RDM1: variants seen among roughly 807,000 people sequenced by gnomAD.
The protein encoded by RDM1 is RAD52 motif containing 1, also known as RAD52 motif-containing protein 1.
RDM1 carries 28 observed loss-of-function variants against 27.7 expected under a neutral mutation model. That is an observed-to-expected ratio of 1.01 (90% confidence interval 0.75 to 1.39). The LOEUF is 1.39. Ranked by LOEUF, RDM1 falls within the 40% of genes most tolerant of loss-of-function variation. The pLI is 0.00. For synonymous variants in RDM1, 124 were observed against 127.5 expected, an observed-to-expected ratio of 0.97 and a Z score of 0.19; for missense variants, 277 against 337.3, an observed-to-expected ratio of 0.82 and a Z score of 1.40.
At chr17:35,918,722 T>A (rs55821256) in intron 6 of RDM1, among the ~76,000 whole-genome samples, 9,237 of 152,172 alleles carry the variant, frequency 0.061, 463 homozygotes, top group African/African-American at 0.14. Flanking sequence ...GCGCCACTCT[T>A]CAGAGGTCTA....
At position 35,920,436 on chromosome 17, in the gene RDM1, TTTTC is replaced by T. The variant is rs200850006; in HGVS notation, c.668-168_668-165del. Reference sequence around the variant, plus strand: ...TATCTCCTCATCTCACACTTCAGTTTTTTCTTTCTTTCTTTCTTTCTTTTTTTTT... The same window carrying T: ...TATCTCCTCATCTCACACTTCAGTTTTTTCTTTCTTTCTTTCTTTTTTTTT... On this transcript the variant is annotated intron_variant, in intron 5 of 6. Coordinates refer to ENST00000620284, the MANE Select transcript of RDM1 (RefSeq NM_145654.4). Among the ~76,000 whole-genome samples, 499 of 149,058 alleles carry T rather than the reference TTTTC, an allele frequency of 3.3e-3. 4 individuals are homozygous for T. Among genetic ancestry groups the T allele is most frequent in the East Asian group, 0.028 (141 of 5,098 alleles).
rs374308964 is a variant in RDM1, at chr17:35,930,719, C to T, written c.9G>A (p.Glu3=). MA[E]LVPFAVPIES... Reference sequence around the variant, plus strand: ...CGATGGGAACCGCAAAAGGTACCAACTCCGCCATCCTCCCTTCACCGCACC... The same window carrying T: ...CGATGGGAACCGCAAAAGGTACCAATTCCGCCATCCTCCCTTCACCGCACC... Residue 3 remains glutamate, a synonymous_variant, in exon 1 of 7, where the codon GAG becomes GAA. Transcript: ENST00000620284. 1.9e-6 allele frequency: 3 copies of T among 1,613,688 alleles called. No individual in the cohort carries two copies. Among genetic ancestry groups the T allele is most frequent in the African/African-American group, 2.7e-5 (2 of 75,050 alleles).
intron 4 of RDM1, among the ~76,000 whole-genome samples, chr17:35,923,423 A>G (rs2089022768): frequency 6.6e-6 from 1 of 151,596 alleles, no homozygotes; most frequent in African/African-American, 2.4e-5. Context: ...TGGGAGGCCA[A>G]GGTGGGCAGA....
intron 4 of RDM1, among the ~76,000 whole-genome samples, chr17:35,923,349 CAAAAAAAAAAAA>C (rs1013511994): frequency 4.2e-5 from 2 of 47,256 alleles, no homozygotes; most frequent in Non-Finnish European, 8.4e-5. Context: ...GATTCTGTCT[CAAAAAAAAAAAA>C]AAAAAAAAAA....
intron 1 of RDM1, 56 bp downstream of exon 1, chr17:35,930,576 C>T: frequency 6.6e-7 from 1 of 1,526,584 alleles, no homozygotes; most frequent in Middle Eastern, 1.7e-4. Flanking sequence ...CCGGAACTCC[C>T]AGTCAGCGGG....
intron 6 of RDM1, among the ~76,000 whole-genome samples, chr17:35,919,911 A>G (rs148581978): frequency 4.8e-4 from 73 of 152,304 alleles, no homozygotes; most frequent in South Asian, 1.0e-3. Context: ...AGCAGCCTGG[A>G]ATCCCTAACT....
At position 35,919,239 on chromosome 17, in the gene RDM1, T is replaced by TAAA. The variant is rs1568383878; in HGVS notation, c.754-799_754-797dup. The stretch of plus-strand genomic sequence containing the variant: ...AAAAAAACACTTTTGCTACTTTTTT[T>TAAA]AAAGAATTCCATATGTAGTAAATAA... On this transcript the variant is annotated intron_variant, in intron 6 of 6. Coordinates refer to ENST00000620284, the MANE Select transcript of RDM1 (RefSeq NM_145654.4). Among the ~76,000 whole-genome samples, 24 of 152,070 alleles carry TAAA rather than the reference T, an allele frequency of 1.6e-4. 1 individual carries two copies. Among genetic ancestry groups the TAAA allele is most frequent in the Non-Finnish European group, 7.4e-5 (5 of 67,990 alleles).
At chr17:35,920,456 C>CTT (rs60990791) in intron 5 of RDM1, among the ~76,000 whole-genome samples, 184 bp from the exon 6 acceptor site, 3 of 118,022 alleles carry the variant, frequency 2.5e-5, no homozygotes, top group South Asian at 2.6e-4. Flanking sequence ...TTCTTTCTTT[C>CTT]TTTTTTTTTT....
chr17:35,928,617 C>T (rs1225312826), intron 2 of RDM1, among the ~76,000 whole-genome samples: 1 of 151,780 alleles, frequency 6.6e-6, no homozygotes, highest in Non-Finnish European at 1.5e-5. Context: ...ACAAAATCAG[C>T]CAGGCGTGGT....
At chr17:35,925,731 A>C in intron 2 of RDM1, 94 bp from the exon 3 acceptor site, 1 of 1,405,238 alleles carries the variant, frequency 7.1e-7, no homozygotes, top group Non-Finnish European at 9.7e-7. Flanking sequence ...GTGTGCAATG[A>C]AAAATTGTTA....
chr17:35,928,119 T>C (rs1598687318), intron 2 of RDM1, among the ~76,000 whole-genome samples: 1 of 152,120 alleles, frequency 6.6e-6, no homozygotes, highest in African/African-American at 2.4e-5. Flanking sequence ...GAATGGAATA[T>C]AGAGAAGAAT....
rs1008425023 is a variant in RDM1 at position 35,927,393 on chromosome 17, T to A, written c.277-1756A>T. Reference sequence around the variant, plus strand: ...AGGCAGAGGCTGCAGTGAGCTGAGATCATGCCATTGCACTCCAGCCTGGGT... The same window carrying A: ...AGGCAGAGGCTGCAGTGAGCTGAGAACATGCCATTGCACTCCAGCCTGGGT... On this transcript the variant is annotated intron_variant, in intron 2 of 6. Coordinates refer to ENST00000620284, the MANE Select transcript of RDM1 (RefSeq NM_145654.4). Among the ~76,000 whole-genome samples the A allele has an allele frequency of 3.3e-5, 5 of 152,132 alleles. 1 individual carries two copies.
chr17:35,922,492 A>AT (rs2088980604), intron 5 of RDM1, 85 bp downstream of exon 5: 1 of 1,536,374 alleles, frequency 6.5e-7, no homozygotes, highest in African/African-American at 1.4e-5. Context: ...TTAGATATCA[A>AT]TATTTTTATT....
intron 3 of RDM1, among the ~76,000 whole-genome samples, chr17:35,925,103 C>T (rs906171221): frequency 3.3e-5 from 5 of 152,056 alleles, no homozygotes; most frequent in African/African-American, 9.7e-5. Context: ...CACTGCACTC[C>T]AGCCTGATGA....
chr17:35,928,763 T>TAA (rs1184019323), intron 2 of RDM1, among the ~76,000 whole-genome samples: 1 of 129,436 alleles, frequency 7.7e-6, no homozygotes, highest in Admixed American at 8.0e-5. Flanking sequence ...ACTCTGTCTT[T>TAA]AAAAAAAAAA....
In RDM1 at chr17:35,930,260, G is replaced by C. The variant is rs200333515; in HGVS notation, c.97-5C>G. ...AAATGCTGTGAACAGAGAATGCTGTGGGGGTGGGACAAGTAAATGCATGAA... is the reference window on the plus strand; with the variant it reads ...AAATGCTGTGAACAGAGAATGCTGTCGGGGTGGGACAAGTAAATGCATGAA... On this transcript the variant is annotated splice_polypyrimidine_tract_variant and splice_region_variant and intron_variant, in intron 1 of 6. Coordinates refer to ENST00000620284, the MANE Select transcript of RDM1 (RefSeq NM_145654.4). 1.3e-4 allele frequency: 203 copies of C among 1,614,138 alleles called. 1 individual carries two copies. The African/African-American group carries it at 2.5e-3, about 20-fold the overall frequency.
chr17:35,930,327 C>T, intron 1 of RDM1, 72 bp from the exon 2 acceptor site: 2 of 1,579,174 alleles, frequency 1.3e-6, no homozygotes, highest in Non-Finnish European at 1.7e-6. Context: ...CCCTCATATT[C>T]CCCAAACCTC....
Position 35,925,628 on chromosome 17 carries a change from C to A in RDM1, c.286G>T (p.Gly96Cys). 6.2e-7 allele frequency: 1 copy of A among 1,612,216 alleles called. No individual in the cohort carries two copies. The highest frequency in any genetic ancestry group is 8.5e-7 in the Non-Finnish European group (1 of 1,178,710). Residue 96 changes from glycine (G) to cysteine (C), a missense_variant, in exon 3 of 7, where the codon GGC (glycine) becomes TGC (cysteine). By Grantham distance (159) the Gly-to-Cys change is radical. Transcript: ENST00000620284. ...FQKSPVKVRL[G>C]TRHKAVQHQA... Reference sequence around the variant, plus strand: ...TGTTGAACTGCCTTATGTCTGGTGCCAAGACGAACCTAAAATCATAGGAGA... The same window carrying A: ...TGTTGAACTGCCTTATGTCTGGTGCAAAGACGAACCTAAAATCATAGGAGA...
At position 35,930,624 on chromosome 17, in the gene RDM1, C is replaced by T. The variant is rs372664878; in HGVS notation, c.96+8G>A. 2.9e-5 allele frequency: 47 copies of T among 1,611,478 alleles called. No homozygotes were observed. In the African/African-American group the frequency reaches 4.4e-4, roughly 15 times the overall value. On this transcript the variant is annotated splice_region_variant and intron_variant, in intron 1 of 6. Transcript: ENST00000620284. ...TCCATCCCTCCCTCCATCCTGGCCC[C>T]GGCTCACATGCAAAGCCTCGGCCGT...
Sources: allele counts gnomAD v4.1 joint callset (sites outside exome capture counted in the v4.1 genomes callset), GRCh38; gene constraint gnomAD v4.1.1; transcripts MANE v1.5; gene names NCBI Gene and HGNC (gene_info 2026-07-23, HGNC 2026-07-21).